Variants in ZFHX3 observed in about 807,000 individuals in gnomAD.
ZFHX3 encodes the protein zinc finger homeobox 3.
In ZFHX3, 42 loss-of-function variants were observed where a neutral mutation model predicts 279.1. The observed-to-expected ratio is 0.15, with a 90% CI of 0.12 to 0.19. The LOEUF is 0.19. Ranked by LOEUF, ZFHX3 falls within the 10% of genes least tolerant of loss-of-function variation. The pLI, the probability that ZFHX3 is intolerant of heterozygous loss-of-function variation, is 1.00. For missense variants in ZFHX3, 4,981 were observed against 4,754.0 expected, an observed-to-expected ratio of 1.05 and a Z score of -1.40; for synonymous variants, 2,293 against 1,957.8, an observed-to-expected ratio of 1.17 and a Z score of -4.52.
At chr16:73,716,538 G>A (rs540893692) in intron 1 of ZFHX3, among the ~76,000 whole-genome samples, 2 of 151,742 alleles carry the variant, frequency 1.3e-5, no homozygotes, top group East Asian at 3.9e-4. Context: ...AAGGACAGAT[G>A]GAAGGATGCA....
chr16:73,544,748 AG>A (rs1328150476), intron 2 of ZFHX3, among the ~76,000 whole-genome samples: 1 of 152,014 alleles, frequency 6.6e-6, no homozygotes, highest in Non-Finnish European at 1.5e-5. Flanking sequence ...TGCCAGGTAA[AG>A]GTGTGGGAGA....
intron 3 of ZFHX3, among the ~76,000 whole-genome samples, chr16:73,337,892 C>CGGGGT (rs1555510886): frequency 2.5e-5 from 2 of 79,162 alleles, no homozygotes; most frequent in Admixed American, 2.6e-4. Context: ...CTTCCCTTGG[C>CGGGGT]GGGGGGGGGG....
chr16:73,159,244 A>G (rs1458597957), intron 5 of ZFHX3, among the ~76,000 whole-genome samples: 4 of 152,228 alleles, frequency 2.6e-5, no homozygotes. Flanking sequence ...CAAGATAATT[A>G]CCACTTCCTT....
At chr16:73,199,811 T>C (rs1567416635) in intron 5 of ZFHX3, among the ~76,000 whole-genome samples, 1 of 152,182 alleles carries the variant, frequency 6.6e-6, no homozygotes, top group Non-Finnish European at 1.5e-5. Context: ...AACTCCAAAA[T>C]GGATGTTGTC....
intron 3 of ZFHX3, among the ~76,000 whole-genome samples, chr16:73,412,538 C>T (rs2143464738): frequency 1.3e-5 from 2 of 152,034 alleles, no homozygotes; most frequent in African/African-American, 4.8e-5. Flanking sequence ...TTCCCTCCAT[C>T]ATCCACCTTA....
chr16:73,469,507 A>G (rs560524832), intron 2 of ZFHX3, among the ~76,000 whole-genome samples: 3 of 152,294 alleles, frequency 2.0e-5, no homozygotes, highest in Non-Finnish European at 4.4e-5. Context: ...AAAGAATTCT[A>G]TGTTAACCTG....
chr16:73,749,182 T>C (rs2053733820), intron 1 of ZFHX3, among the ~76,000 whole-genome samples: 1 of 152,212 alleles, frequency 6.6e-6, no homozygotes, highest in South Asian at 2.1e-4. Flanking sequence ...TTTGTATTTT[T>C]ACCTGGCCAT....
At chr16:72,991,252 G>A (rs1035654478) in intron 1 of ZFHX3, among the ~76,000 whole-genome samples, 4 of 152,090 alleles carry the variant, frequency 2.6e-5, no homozygotes, top group Non-Finnish European at 5.9e-5. Flanking sequence ...ATCTCTTACT[G>A]TGCCTAATTT....
chr16:73,597,197 T>C (rs1364772243), intron 2 of ZFHX3, among the ~76,000 whole-genome samples: 1 of 152,208 alleles, frequency 6.6e-6, no homozygotes. Context: ...ACTTAACTTC[T>C]CATTCAGAAC....
chr16:73,501,323 T>C (rs1481799277), intron 2 of ZFHX3, among the ~76,000 whole-genome samples: 1 of 152,232 alleles, frequency 6.6e-6, no homozygotes, highest in Non-Finnish European at 1.5e-5. Flanking sequence ...TGTTAAGTGA[T>C]ACATGGTTGT....
At position 72,933,585 on chromosome 16, in the gene ZFHX3, C is replaced by G. The variant is rs180888662; in HGVS notation, c.3216+16884G>C. Among the ~76,000 whole-genome samples, 14 of 152,240 alleles carry G rather than the reference C, an allele frequency of 9.2e-5. No individual in the cohort carries two copies. The East Asian group carries it at 2.7e-3, about 29-fold the overall frequency. On this transcript the variant is annotated intron_variant, in intron 3 of 9. Transcript: ENST00000268489. ...TTCTCTTTATCCTGCTATCAATGTGCCTTACATCTTTTATTCATTCCAAAG... is the reference window on the plus strand; with the variant it reads ...TTCTCTTTATCCTGCTATCAATGTGGCTTACATCTTTTATTCATTCCAAAG...
rs566219096 is a variant in ZFHX3, at chr16:72,828,892, C to T, written c.3529+887G>A. Reference sequence around the variant, plus strand: ...TTTTTGTAGAGACAGTGTCTCACCACGTTGCCCAGGCTGGTCTCGAACTCC... The same window carrying T: ...TTTTTGTAGAGACAGTGTCTCACCATGTTGCCCAGGCTGGTCTCGAACTCC... On this transcript the variant is annotated intron_variant, in intron 5 of 9. Coordinates refer to ENST00000268489, the MANE Select transcript of ZFHX3 (RefSeq NM_006885.4). 5.7e-4 allele frequency among the ~76,000 whole-genome samples: 87 copies of T among 152,030 alleles called. 1 individual carries two copies. The highest frequency in any genetic ancestry group is 1.0e-3 in the Non-Finnish European group (71 of 67,974).
At chr16:73,332,343 G>T (rs1290597551) in intron 3 of ZFHX3, among the ~76,000 whole-genome samples, 1 of 152,194 alleles carries the variant, frequency 6.6e-6, no homozygotes, top group Non-Finnish European at 1.5e-5. Context: ...GTTTGTGAGT[G>T]ATTAAATCAT....
intron 2 of ZFHX3, among the ~76,000 whole-genome samples, chr16:73,468,877 T>A (rs1248230827): frequency 6.6e-6 from 1 of 152,236 alleles, no homozygotes; most frequent in African/African-American, 2.4e-5. Context: ...CAGCTCTGAC[T>A]TTATCAACTG....
intron 2 of ZFHX3, among the ~76,000 whole-genome samples, chr16:73,654,883 CAG>C (rs2052708308): frequency 9.7e-6 from 1 of 103,466 alleles, no homozygotes; most frequent in African/African-American, 3.8e-5. Flanking sequence ...TTTTTTGAGA[CAG>C]AGTCTCACTG....
At chr16:73,537,903 A>T (rs571839669) in intron 2 of ZFHX3, among the ~76,000 whole-genome samples, 14 of 152,304 alleles carry the variant, frequency 9.2e-5, no homozygotes, top group Middle Eastern at 3.4e-3. Flanking sequence ...TTGGAATTCG[A>T]CTTATCGATA....
chr16:73,587,606 G>A (rs2051940949), intron 2 of ZFHX3, among the ~76,000 whole-genome samples: 1 of 152,172 alleles, frequency 6.6e-6, no homozygotes, highest in Non-Finnish European at 1.5e-5. Context: ...ATTGGGCTAC[G>A]ACATGTGTCT....
At position 72,991,431 on chromosome 16, in the gene ZFHX3, C is replaced by T. The variant is rs146412210; in HGVS notation, c.-49-31237G>A. 1.4e-3 allele frequency among the ~76,000 whole-genome samples: 216 copies of T among 152,234 alleles called. 1 individual carries two copies. Among genetic ancestry groups the T allele is most frequent in the African/African-American group, 5.1e-3 (213 of 41,540 alleles). ...GGAGTATATGCTCTGAGCTGGCATC[C>T]CAGCGCAGAGGCCATTTAACAGCAG... On this transcript the variant is annotated intron_variant, in intron 1 of 9. Coordinates refer to ENST00000268489, the MANE Select transcript of ZFHX3 (RefSeq NM_006885.4).
chr16:73,161,777 T>C (rs1370468467), intron 5 of ZFHX3, among the ~76,000 whole-genome samples: 1 of 152,204 alleles, frequency 6.6e-6, no homozygotes, highest in Non-Finnish European at 1.5e-5. Context: ...ATCCTTCTTT[T>C]CTGCAGTGGG....
Sources: allele counts gnomAD v4.1 joint callset (sites outside exome capture counted in the v4.1 genomes callset), GRCh38; gene constraint gnomAD v4.1.1; transcripts MANE v1.5; gene names NCBI Gene and HGNC (gene_info 2026-07-23, HGNC 2026-07-21).